The following KIF13B variants were observed in gnomAD, a reference collection of about 807,000 sequenced individuals.
The protein encoded by KIF13B is kinesin-like protein KIF13B.
KIF13B carries 127 observed loss-of-function variants against 222.0 expected under a neutral mutation model. The ratio of observed to expected loss-of-function variants is 0.57; its 90% confidence interval spans 0.50 to 0.66. KIF13B has a LOEUF of 0.66. Ranked by LOEUF, KIF13B falls within the 30% of genes least tolerant of loss-of-function variation. The pLI is 0.00. For missense variants in KIF13B, 2,173 were observed against 2,379.0 expected, an observed-to-expected ratio of 0.91 and a Z score of 1.80; for synonymous variants, 976 against 919.0, an observed-to-expected ratio of 1.06 and a Z score of -1.12.
At chr8:29,200,848 C>G (rs772811422) in intron 2 of KIF13B, among the ~76,000 whole-genome samples, 1 of 152,148 alleles carries the variant, frequency 6.6e-6, no homozygotes, top group African/African-American at 2.4e-5. Context: ...CTGACTAAAT[C>G]CAGATTGTGC....
At chr8:29,134,444 C>T (rs759227967) in intron 21 of KIF13B, among the ~76,000 whole-genome samples, 12 of 152,078 alleles carry the variant, frequency 7.9e-5, no homozygotes, top group African/African-American at 2.2e-4. Context: ...CAGAGGTGGA[C>T]GTTGTAAAGT....
At chr8:29,222,277 G>A (rs1430017138) in intron 2 of KIF13B, among the ~76,000 whole-genome samples, 1 of 152,164 alleles carries the variant, frequency 6.6e-6, no homozygotes, top group Non-Finnish European at 1.5e-5. Flanking sequence ...TTGAGCCCAG[G>A]AGGTCAAGGT....
intron 2 of KIF13B, among the ~76,000 whole-genome samples, chr8:29,199,041 A>G (rs1813563728): frequency 6.8e-6 from 1 of 146,276 alleles, no homozygotes; most frequent in East Asian, 2.0e-4. Context: ...GTGTAACCAA[A>G]AACCACTTGT....
At chr8:29,226,965 A>G (rs138418509) in intron 2 of KIF13B, among the ~76,000 whole-genome samples, 213 of 152,360 alleles carry the variant, frequency 1.4e-3, no homozygotes, top group African/African-American at 5.0e-3. Context: ...AACCTCAGGC[A>G]TAAATGGGTT....
At chr8:29,088,350 G>A (rs1445228626) in intron 37 of KIF13B, among the ~76,000 whole-genome samples, 5 of 152,096 alleles carry the variant, frequency 3.3e-5, no homozygotes, top group African/African-American at 1.2e-4. Context: ...GCCCATGAAG[G>A]ATTAAAGATG....
rs1720649380 is a variant in KIF13B, at chr8:29,109,768, C to A, written c.4083+150G>T. ...GCTGTTACTTTGTAAGACAGAATGA[C>A]CCAATTACAATCACTCTGGATTATT... On this transcript the variant is annotated intron_variant, in intron 33 of 39. Coordinates refer to ENST00000524189, the MANE Select transcript of KIF13B (RefSeq NM_015254.4). 8.8e-6 allele frequency: 7 copies of A among 798,810 alleles called. No homozygotes were observed. The South Asian group carries it at 1.1e-4, about 13-fold the overall frequency. The allele number at this position is 798,810 out of a possible 1,614,324, so 49.5% of individuals were successfully genotyped here.
At position 29,150,362 on chromosome 8, in the gene KIF13B, A is replaced by G; in HGVS notation, c.1557T>C (p.Ser519=). ...KNTRTFVNGS[S]VSSPIQLHHG... ...GGTGTAGCTGTATTGGACTGGAGAC[A>G]GATGACCCATTTACAAATGTTCTGT... The change falls in exon 15 of 40, where the codon TCT becomes TCC. Residue 519 remains serine, a synonymous_variant. Coordinates refer to ENST00000524189, the MANE Select transcript of KIF13B (RefSeq NM_015254.4). 6.3e-7 allele frequency: 1 copy of G among 1,582,534 alleles called. No homozygotes were observed.
chr8:29,135,681 G>A (rs1183707427), intron 21 of KIF13B, among the ~76,000 whole-genome samples: 1 of 152,100 alleles, frequency 6.6e-6, no homozygotes, highest in Middle Eastern at 3.2e-3. Context: ...GATCACTTGA[G>A]GTCAGGAGTT....
chr8:29,156,044 C>G (rs532519625), intron 13 of KIF13B, among the ~76,000 whole-genome samples, 188 bp from the exon 14 acceptor site: 2 of 152,280 alleles, frequency 1.3e-5, no homozygotes, highest in South Asian at 4.1e-4. Flanking sequence ...TCTCAGCTCA[C>G]TGCAACCTCC....
At chr8:29,227,212 CAAGTT>C (rs1395589461) in intron 2 of KIF13B, among the ~76,000 whole-genome samples, 6 of 151,932 alleles carry the variant, frequency 3.9e-5, no homozygotes, top group Admixed American at 6.5e-5. Flanking sequence ...ATCCTCATCT[CAAGTT>C]ATGAAATATT....
At chr8:29,084,947 C>G (rs530135792) in intron 37 of KIF13B, among the ~76,000 whole-genome samples, 1 of 152,322 alleles carries the variant, frequency 6.6e-6, no homozygotes, top group South Asian at 2.1e-4. Context: ...TTTTGCATTT[C>G]TGGAACTCAG....
At chr8:29,084,670 CCTAA>C (rs1302771526) in intron 37 of KIF13B, among the ~76,000 whole-genome samples, 5 of 152,184 alleles carry the variant, frequency 3.3e-5, no homozygotes, top group Admixed American at 2.6e-4. Flanking sequence ...ATTTACAGTT[CCTAA>C]CTTTGAAGTA....
chr8:29,111,771 C>A (rs550429004), intron 32 of KIF13B, among the ~76,000 whole-genome samples: 2 of 152,318 alleles, frequency 1.3e-5, no homozygotes, highest in East Asian at 3.9e-4. Context: ...CAACTGCATT[C>A]AAGCGATTTA....
At chr8:29,169,527 ATG>A (rs2130182465) in intron 10 of KIF13B, among the ~76,000 whole-genome samples, 1 of 152,374 alleles carries the variant, frequency 6.6e-6, no homozygotes, top group Admixed American at 6.5e-5. Context: ...AAAGGTCAAT[ATG>A]ATCACAGACA....
intron 14 of KIF13B, among the ~76,000 whole-genome samples, chr8:29,153,114 T>C (rs1357716046): frequency 6.6e-6 from 1 of 152,186 alleles, no homozygotes; most frequent in African/African-American, 2.4e-5. Flanking sequence ...TGTAGTTACT[T>C]AAGATGCTTA....
chr8:29,159,570 A>G (rs6994211), intron 13 of KIF13B, among the ~76,000 whole-genome samples: 95,223 of 152,066 alleles, frequency 0.63, 30,522 homozygotes, highest in Middle Eastern at 0.71. Flanking sequence ...TTTACGAAGT[A>G]CTTCTGTATC....
chr8:29,111,221 T>C (rs949155666), intron 32 of KIF13B, among the ~76,000 whole-genome samples: 14 of 152,204 alleles, frequency 9.2e-5, no homozygotes, highest in Admixed American at 7.9e-4. Flanking sequence ...AACTAGAACT[T>C]AGGTCTCCCG....
intron 30 of KIF13B, among the ~76,000 whole-genome samples, chr8:29,117,310 C>T (rs1309803707): frequency 6.6e-6 from 1 of 152,198 alleles, no homozygotes; most frequent in African/African-American, 2.4e-5. Context: ...TTCATCCCGA[C>T]GCACCAACTG....
intron 11 of KIF13B, 140 bp from the exon 12 acceptor site, chr8:29,165,912 T>A: frequency 1.6e-6 from 1 of 643,800 alleles, no homozygotes; most frequent in Non-Finnish European, 2.6e-6. Flanking sequence ...ACTTCGATTG[T>A]AGATCGAAGT....
Sources: allele counts gnomAD v4.1 joint callset (sites outside exome capture counted in the v4.1 genomes callset), GRCh38; gene constraint gnomAD v4.1.1; transcripts MANE v1.5; gene names NCBI Gene and HGNC (gene_info 2026-07-23, HGNC 2026-07-21).